TMCO6: variants seen among roughly 807,000 people sequenced by gnomAD.
TMCO6 encodes the protein transmembrane and coiled-coil domains 6, also known as transmembrane and coiled-coil domain-containing protein 6.
TMCO6 carries 47 observed loss-of-function variants against 61.8 expected under a neutral mutation model. The ratio of observed to expected loss-of-function variants is 0.76; its 90% CI spans 0.60 to 0.97. The LOEUF is 0.97. Ranked by LOEUF, TMCO6 falls within the 50% of genes least tolerant of loss-of-function variation. The probability of loss-of-function intolerance (pLI) is 0.00; values close to 1 mark genes in which losing one functional copy is unlikely to be tolerated. For synonymous variants in TMCO6, 261 were observed against 254.2 expected (o/e 1.03, Z -0.25); for missense variants, 557 against 601.6 (o/e 0.93, Z 0.78).
At chr5:140,602,258 G>A in the TMCO6 span, among the ~76,000 whole-genome samples, 1,933 of 152,068 alleles carry the variant, frequency 0.013, 46 homozygotes, top group African/African-American at 0.045. Context: ...GCAATCTCCC[G>A]AATTCCTACA....
At position 140,639,541 on chromosome 5, in the gene TMCO6, G is replaced by C. The variant is rs1373781160; in HGVS notation, c.14G>C (p.Arg5Pro). ...TCCTGCTCCACCATGTGGAGCCGAC[G>C]GCAGGGCCGCCTCAGGCCCACGGTC... MWSR[R>P]QGRLRPTVCG... Residue 5 changes from arginine (R) to proline (P), a missense_variant, in exon 1 of 12, where the codon CGG (arginine) becomes CCG (proline). Physicochemically the swap from Arg to Pro is moderately radical, Grantham distance 103 (BLOSUM62 -2). Coordinates refer to ENST00000394671, the MANE Select transcript of TMCO6 (RefSeq NM_018502.5). 3 of 1,549,802 alleles carry C rather than the reference G, an allele frequency of 1.9e-6. No homozygotes were observed. The highest frequency in any genetic ancestry group is 2.6e-6 in the Non-Finnish European group (3 of 1,146,610).
the TMCO6 span, among the ~76,000 whole-genome samples, chr5:140,597,776 T>A: frequency 6.6e-6 from 1 of 152,244 alleles, no homozygotes; most frequent in South Asian, 2.1e-4. Context: ...TCTTAGCCAC[T>A]GGATGATACA....
chr5:140,622,906 C>T, the TMCO6 span, among the ~76,000 whole-genome samples: 11 of 152,066 alleles, frequency 7.2e-5, no homozygotes, highest in African/African-American at 2.4e-4. Context: ...TTAATAGAGA[C>T]TGGGTCTTGC....
the TMCO6 span, among the ~76,000 whole-genome samples, chr5:140,622,697 T>C: frequency 6.7e-6 from 1 of 149,414 alleles, no homozygotes; most frequent in African/African-American, 2.5e-5. Context: ...ACCAGCTGGG[T>C]TCTCCTTACT....
At chr5:140,639,087 C>T (rs934854150), upstream of TMCO6, 1 of 174,080 alleles carries the variant, frequency 5.7e-6, no homozygotes. Flanking sequence ...CAGCTCTCAT[C>T]AGTGGGATCC....
chr5:140,647,162 T>C (rs1397536705), downstream of TMCO6: 2 of 1,343,798 alleles, frequency 1.5e-6, no homozygotes, highest in African/African-American at 1.5e-5. Flanking sequence ...TTCTAGTTTC[T>C]CCACGGGTTT....
chr5:140,642,972 A>G lies in TMCO6; in HGVS notation c.737A>G (p.Gln246Arg). ...TLPQHMLQMLQPGPKLNPGVA... is the reference protein window; with the variant it reads ...TLPQHMLQMLRPGPKLNPGVA... ...CCTCAGCACATGCTACAAATGTTGC[A>G]ACCTGGCCCAAAGCTCAACCCTGGG... is the stretch of plus-strand genomic sequence containing the variant. Residue 246 changes from glutamine (Q) to arginine (R), a missense_variant, in exon 7 of 12, where the codon CAA becomes CGA. Coordinates refer to ENST00000394671, the MANE Select transcript of TMCO6 (RefSeq NM_018502.5). 6.2e-7 allele frequency: 1 copy of G among 1,614,182 alleles called. No individual in the cohort carries two copies. Among genetic ancestry groups the G allele is most frequent in the Non-Finnish European group, 8.5e-7 (1 of 1,180,022 alleles).
the TMCO6 span, among the ~76,000 whole-genome samples, chr5:140,606,999 AAAT>A: frequency 2.2e-5 from 3 of 134,710 alleles, no homozygotes; most frequent in African/African-American, 5.7e-5. Context: ...TAAAAAAAAA[AAAT>A]AATAATAATA....
chr5:140,647,278 C>T (rs1285249515), downstream of TMCO6: 1 of 1,563,710 alleles, frequency 6.4e-7, no homozygotes, highest in Admixed American at 1.8e-5. Flanking sequence ...AGAGCTTGGG[C>T]TGCACATCGG....
At chr5:140,644,477 G>A in intron 10 of TMCO6, 96 bp from the exon 11 acceptor site, 1 of 1,435,424 alleles carries the variant, frequency 7.0e-7, no homozygotes, top group East Asian at 2.3e-5. Context: ...AGCTTGGCAT[G>A]GTGCCTGGGC....
chr5:140,644,015 T>C (rs761866012), intron 9 of TMCO6, 49 bp downstream of exon 9: 2 of 1,613,564 alleles, frequency 1.2e-6, no homozygotes, highest in African/African-American at 1.3e-5. Context: ...AATGGGGATA[T>C]TTCCTCATGG....
chr5:140,642,509 C>T, intron 5 of TMCO6, 77 bp from the exon 6 acceptor site: 1 of 1,603,436 alleles, frequency 6.2e-7, no homozygotes, highest in Non-Finnish European at 8.5e-7. Flanking sequence ...AGCCTCTGCC[C>T]TGTGCCAAGG....
At chr5:140,618,769 C>A in the TMCO6 span, among the ~76,000 whole-genome samples, 1 of 151,994 alleles carries the variant, frequency 6.6e-6, no homozygotes, top group Admixed American at 6.6e-5. Flanking sequence ...TAGAAATCCA[C>A]ATGCAAAAAC....
chr5:140,601,019 C>T, the TMCO6 span, among the ~76,000 whole-genome samples: 1 of 151,962 alleles, frequency 6.6e-6, no homozygotes, highest in South Asian at 2.1e-4. Flanking sequence ...AAAGTGTGCC[C>T]CATTAAGACA....
At chr5:140,624,262 G>T in the TMCO6 span, among the ~76,000 whole-genome samples, 15 of 152,162 alleles carry the variant, frequency 9.9e-5, no homozygotes, top group African/African-American at 3.6e-4. Flanking sequence ...CTACTCAGGA[G>T]GCTGAAGCAG....
In TMCO6 at chr5:140,644,555, A is replaced by C; in HGVS notation, c.1201-18A>C. 1 of 1,613,406 alleles carries C rather than the reference A, an allele frequency of 6.2e-7. No homozygotes were observed. Among genetic ancestry groups the C allele is most frequent in the South Asian group, 1.1e-5 (1 of 90,990 alleles). On this transcript the variant is annotated intron_variant, in intron 10 of 11. Transcript: ENST00000394671. ...TTGTGTTTCATTCTTTGTAGACTATATATGTGTCTATCTGCAGGTGCTCAC... is the reference window on the plus strand; with the variant it reads ...TTGTGTTTCATTCTTTGTAGACTATCTATGTGTCTATCTGCAGGTGCTCAC...
At chr5:140,601,637 T>C in the TMCO6 span, among the ~76,000 whole-genome samples, 1 of 152,188 alleles carries the variant, frequency 6.6e-6, no homozygotes, top group African/African-American at 2.4e-5. Context: ...ACTATGGTAA[T>C]ATAATGCTCC....
chr5:140,606,725 G>A, the TMCO6 span, among the ~76,000 whole-genome samples: 1 of 152,088 alleles, frequency 6.6e-6, no homozygotes, highest in Non-Finnish European at 1.5e-5. Context: ...TCAGGAGTTC[G>A]AGACCAACCT....
At chr5:140,641,507 C>T (rs930828469) in intron 2 of TMCO6, 158 bp from the exon 3 acceptor site, 4 of 639,816 alleles carry the variant, frequency 6.3e-6, no homozygotes, top group South Asian at 5.7e-5. Context: ...ATTCTCTGTC[C>T]ACTCCACTGC....
Sources: allele counts gnomAD v4.1 joint callset (sites outside exome capture counted in the v4.1 genomes callset), GRCh38; gene constraint gnomAD v4.1.1; transcripts MANE v1.5; gene names NCBI Gene and HGNC (gene_info 2026-07-23, HGNC 2026-07-21).